REDIC1: variants seen among roughly 807,000 people sequenced by gnomAD.
REDIC1 encodes HEI10 Interacting Protein 1.
chr12:39,885,372 AGTAAT>A, the REDIC1 span, among the ~76,000 whole-genome samples: 1 of 152,206 alleles, frequency 6.6e-6, no homozygotes, highest in Admixed American at 6.5e-5. Flanking sequence ...AAGGTGCTAA[AGTAAT>A]GGGCTTTATT....
the REDIC1 span, among the ~76,000 whole-genome samples, chr12:39,674,174 A>G: frequency 3.9e-5 from 6 of 152,138 alleles, no homozygotes; most frequent in Non-Finnish European, 7.3e-5. Context: ...CAAGCAGAAG[A>G]ATCTCTTCTT....
chr12:39,718,840 T>C, the REDIC1 span, among the ~76,000 whole-genome samples: 1 of 152,126 alleles, frequency 6.6e-6, no homozygotes, highest in South Asian at 2.1e-4. Context: ...CAAAGCTGTT[T>C]CTAAAATTAT....
At chr12:39,896,262 G>GTGTGTATATACGTATACATATATGCATA in the REDIC1 span, among the ~76,000 whole-genome samples, 8 of 71,456 alleles carry the variant, frequency 1.1e-4, no homozygotes, top group Non-Finnish European at 1.8e-4. Context: ...GTATGTATAT[G>GTGTGTATATACGTATACATATATGCATA]TGTGTATATA....
At chr12:39,780,209 CT>C in the REDIC1 span, among the ~76,000 whole-genome samples, 1 of 151,798 alleles carries the variant, frequency 6.6e-6, no homozygotes, top group Admixed American at 6.6e-5. Flanking sequence ...GCATATAAGT[CT>C]TTTTTAAATA....
chr12:39,768,586 AG>A, the REDIC1 span, among the ~76,000 whole-genome samples: 1 of 152,070 alleles, frequency 6.6e-6, no homozygotes, highest in Non-Finnish European at 1.5e-5. Context: ...GGGAATAGAG[AG>A]GCTCCAGGAG....
chr12:39,655,346 T>G, the REDIC1 span, among the ~76,000 whole-genome samples: 15 of 152,188 alleles, frequency 9.9e-5, no homozygotes, highest in African/African-American at 3.6e-4. Context: ...CTTGTAGTAC[T>G]GCTTAGATGT....
the REDIC1 span, among the ~76,000 whole-genome samples, chr12:39,883,362 T>C: frequency 4.6e-5 from 7 of 152,210 alleles, no homozygotes; most frequent in African/African-American, 9.6e-5. Flanking sequence ...GGTGCCCTCA[T>C]GGCTGGAGAA....
the REDIC1 span, among the ~76,000 whole-genome samples, chr12:39,906,719 C>G: frequency 1.3e-5 from 2 of 152,050 alleles, no homozygotes; most frequent in African/African-American, 4.8e-5. Flanking sequence ...AAATCAATTA[C>G]TAAAATTCTT....
the REDIC1 span, among the ~76,000 whole-genome samples, chr12:39,875,692 T>G: frequency 1.3e-5 from 2 of 152,204 alleles, no homozygotes; most frequent in Non-Finnish European, 2.9e-5. Flanking sequence ...ACATTCTCTT[T>G]CACAGGGCAG....
chr12:39,790,376 C>A, the REDIC1 span, among the ~76,000 whole-genome samples: 1 of 119,820 alleles, frequency 8.3e-6, no homozygotes. Flanking sequence ...CCCCCTCCCC[C>A]CACCCCACCA....
chr12:39,822,987 G>C, the REDIC1 span, among the ~76,000 whole-genome samples: 1 of 152,062 alleles, frequency 6.6e-6, no homozygotes, highest in Non-Finnish European at 1.5e-5. Flanking sequence ...AATAGTATCC[G>C]AGTCTGCAAT....
chr12:39,810,869 G>A, the REDIC1 span, among the ~76,000 whole-genome samples: 6 of 152,036 alleles, frequency 3.9e-5, no homozygotes, highest in Non-Finnish European at 7.4e-5. Flanking sequence ...GAGATACTGC[G>A]ATGTTCATCT....
the REDIC1 span, among the ~76,000 whole-genome samples, chr12:39,680,349 T>C: frequency 6.6e-6 from 1 of 151,902 alleles, no homozygotes; most frequent in African/African-American, 2.4e-5. Flanking sequence ...AAGAAGATAA[T>C]ACAAGTGGTC....
At chr12:39,789,782 GATTA>G in the REDIC1 span, among the ~76,000 whole-genome samples, 6 of 152,024 alleles carry the variant, frequency 3.9e-5, no homozygotes, top group African/African-American at 9.7e-5. Context: ...GCATTTTATT[GATTA>G]ATTAAGAGCT....
the REDIC1 span, among the ~76,000 whole-genome samples, chr12:39,810,729 A>G: frequency 6.6e-6 from 1 of 152,124 alleles, no homozygotes; most frequent in Non-Finnish European, 1.5e-5. Context: ...TATTAAGATG[A>G]TCATATGATT....
chr12:39,626,229 GAC>G, the REDIC1 span: 1 of 1,248,858 alleles, frequency 8.0e-7, no homozygotes. Flanking sequence ...CTCGGGCCCT[GAC>G]GTTGTCAGGA....
At chr12:39,657,847 A>G in the REDIC1 span, among the ~76,000 whole-genome samples, 1 of 151,706 alleles carries the variant, frequency 6.6e-6, no homozygotes, top group Non-Finnish European at 1.5e-5. Context: ...TTATTTTTAT[A>G]TTTTTAAAAA....
chr12:39,777,548 G>T, the REDIC1 span, among the ~76,000 whole-genome samples: 1 of 152,106 alleles, frequency 6.6e-6, no homozygotes, highest in Non-Finnish European at 1.5e-5. Flanking sequence ...AGGCATTTTT[G>T]TTTTCCTGCA....
the REDIC1 span, among the ~76,000 whole-genome samples, chr12:39,895,520 ATATATAT>A: frequency 5.7e-4 from 1 of 1,744 alleles, no homozygotes; most frequent in African/African-American, 1.3e-3. Context: ...AAAATTATAT[ATATATAT>A]ATATATATAT....
Sources: gnomAD v4.1 joint callset for allele counts (sites outside exome capture counted in the v4.1 genomes callset) on GRCh38, gnomAD v4.1.1 for gene constraint, MANE v1.5 for transcripts, NCBI Gene and HGNC (gene_info 2026-07-23, HGNC 2026-07-21) for gene names.